The following NOC3L variants were observed in gnomAD, a reference collection of about 807,000 sequenced individuals.
NOC3L encodes NOC3 like DNA replication regulator.
NOC3L carries 85 observed loss-of-function variants against 102.5 expected under a neutral mutation model. The ratio of observed to expected loss-of-function variants is 0.83; its 90% CI spans 0.70 to 0.99. The LOEUF (loss-of-function observed/expected upper bound fraction) is 0.99, where lower values mean the gene tolerates loss of function less well. Among genes scored for constraint, NOC3L ranks in the 50% least tolerant of loss-of-function variants. NOC3L has a pLI of 0.00. For synonymous variants in NOC3L, 303 were observed against 309.4 expected (o/e 0.98, Z 0.22); for missense variants, 878 against 914.9 (o/e 0.96, Z 0.52).
chr10:94,362,921 C>T lies in NOC3L; in HGVS notation c.-83G>A, dbSNP rs1374418039. On this transcript the variant is annotated 5_prime_UTR_variant, in exon 1 of 21. Coordinates refer to ENST00000371361, the MANE Select transcript of NOC3L (RefSeq NM_022451.11). The stretch of plus-strand genomic sequence containing the variant: ...GAAATCCCGGGGAATGACACACGTG[C>T]CGAAGTCCCTACACTACCAGAGCCG... The T allele has an allele frequency of 1.9e-6, 3 of 1,607,208 alleles. No individual in the cohort carries two copies. Among genetic ancestry groups the T allele is most frequent in the Non-Finnish European group, 2.6e-6 (3 of 1,174,220 alleles).
At chr10:94,331,366 A>G (rs1564905815), downstream of NOC3L, 1 of 152,200 alleles carries the variant, frequency 6.6e-6, no homozygotes, top group Non-Finnish European at 1.5e-5. Flanking sequence ...CAATATCTCT[A>G]TAGACTTCTG....
intron 6 of NOC3L, 87 bp from the exon 7 acceptor site, chr10:94,353,144 A>G: frequency 9.2e-7 from 1 of 1,088,740 alleles, no homozygotes; most frequent in East Asian, 2.4e-5. Flanking sequence ...CGGCAAAACA[A>G]GCGGAATTCA....
chr10:94,352,820 TC>T lies in NOC3L; in HGVS notation c.858+75del, dbSNP rs1053377634. ...CTGGGCGACAGAGTAAAACTCTGCCTCAAAAAAAAAAAGTCTATCTCTCCAA... is the reference window on the plus strand; with the variant it reads ...CTGGGCGACAGAGTAAAACTCTGCCTAAAAAAAAAAAGTCTATCTCTCCAA... On this transcript the variant is annotated intron_variant, in intron 7 of 20. Coordinates refer to ENST00000371361, the MANE Select transcript of NOC3L (RefSeq NM_022451.11). 6 of 1,282,982 alleles carry T rather than the reference TC, an allele frequency of 4.7e-6. No homozygotes were observed. In the African/African-American group the frequency reaches 7.6e-5, roughly 16 times the overall value. 79.5% of individuals were successfully genotyped at this position (1,282,982 alleles called of 1,614,324 possible).
At position 94,344,835 on chromosome 10, in the gene NOC3L, G is replaced by A; in HGVS notation, c.1470+18C>T. 1.3e-6 allele frequency: 2 copies of A among 1,554,374 alleles called. No homozygotes were observed. Among genetic ancestry groups the A allele is most frequent in the South Asian group, 2.3e-5 (2 of 85,168 alleles). ...CTTAACGCATTTTAAAAGCATAACA[G>A]AATATGAAACTGCCTACCAGTTTAA... On this transcript the variant is annotated intron_variant, in intron 12 of 20. Transcript: ENST00000371361.
chr10:94,325,084 A>C, the NOC3L span: 3 of 1,613,680 alleles, frequency 1.9e-6, no homozygotes, highest in Non-Finnish European at 2.5e-6. Flanking sequence ...ACAGTGACTA[A>C]GGGCAGCATG....
At chr10:94,318,364 T>C in the NOC3L span, among the ~76,000 whole-genome samples, 1 of 152,224 alleles carries the variant, frequency 6.6e-6, no homozygotes, top group Non-Finnish European at 1.5e-5. Context: ...ATGTAAAAAG[T>C]ATGTATCCTC....
the NOC3L span, among the ~76,000 whole-genome samples, chr10:94,324,138 CA>C: frequency 6.6e-6 from 1 of 152,282 alleles, no homozygotes; most frequent in African/African-American, 2.4e-5. Context: ...ACACCTAATT[CA>C]TAGACTGTTG....
the NOC3L span, among the ~76,000 whole-genome samples, chr10:94,326,726 T>C: frequency 2.0e-5 from 3 of 152,252 alleles, no homozygotes; most frequent in Non-Finnish European, 4.4e-5. Flanking sequence ...GTGATTTAGA[T>C]GATTGCCTTT....
the NOC3L span, among the ~76,000 whole-genome samples, chr10:94,321,369 C>A: frequency 2.0e-5 from 3 of 152,256 alleles, no homozygotes; most frequent in Non-Finnish European, 4.4e-5. Flanking sequence ...CACAGTGGCT[C>A]ACACCTGTAA....
chr10:94,337,802 C>A lies in NOC3L; in HGVS notation c.2164G>T (p.Ala722Ser). Residue 722 changes from alanine (A) to serine (S), a missense_variant, in exon 19 of 21, where the codon GCA becomes TCA. Transcript: ENST00000371361. ...IAGAPSEGSG[A>S]LKPELSRRSA... ...CTTCGACTCAACTCTGGTTTGAGTG[C>A]TCCAGAGCCTTCAGAAGGTGCTCCA... is the stretch of plus-strand genomic sequence containing the variant. 1 of 1,613,642 alleles carries A rather than the reference C, an allele frequency of 6.2e-7. No individual in the cohort carries two copies. Among genetic ancestry groups the A allele is most frequent in the Non-Finnish European group, 8.5e-7 (1 of 1,179,596 alleles).
At chr10:94,360,499 T>G (rs1174719811) in intron 2 of NOC3L, among the ~76,000 whole-genome samples, 1 of 151,990 alleles carries the variant, frequency 6.6e-6, no homozygotes, top group African/African-American at 2.4e-5. Flanking sequence ...TTATTTGTGG[T>G]AGCTAAAAAT....
chr10:94,329,272 A>G (rs2054128395), downstream of NOC3L: 1 of 152,218 alleles, frequency 6.6e-6, no homozygotes, highest in Non-Finnish European at 1.5e-5. Flanking sequence ...TCTTAGTATG[A>G]AGCAAATTAT....
intron 5 of NOC3L, among the ~76,000 whole-genome samples, chr10:94,355,734 T>C (rs1311544563): frequency 6.6e-6 from 1 of 152,074 alleles, no homozygotes; most frequent in Non-Finnish European, 1.5e-5. Flanking sequence ...CCAAAATAAT[T>C]CATATTAATT....
At chr10:94,341,564 A>C (rs1297950534) in intron 14 of NOC3L, 109 bp downstream of exon 14, 8 of 483,564 alleles carry the variant, frequency 1.7e-5, no homozygotes, top group African/African-American at 4.1e-5. Context: ...TAAACTGTAC[A>C]TCTAAAAGGG....
chr10:94,355,697 A>C (rs539978627), intron 5 of NOC3L, among the ~76,000 whole-genome samples: 1 of 152,172 alleles, frequency 6.6e-6, no homozygotes. Flanking sequence ...CCTAGAGCTC[A>C]TATTCTTAGC....
intron 13 of NOC3L, among the ~76,000 whole-genome samples, chr10:94,342,003 A>T (rs2054290707): frequency 6.6e-6 from 1 of 152,236 alleles, no homozygotes; most frequent in Non-Finnish European, 1.5e-5. Flanking sequence ...TTCTGCACTG[A>T]GAAAGAAATT....
At chr10:94,336,366 T>C (rs2054217795) in intron 19 of NOC3L, among the ~76,000 whole-genome samples, 1 of 151,626 alleles carries the variant, frequency 6.6e-6, no homozygotes, top group Non-Finnish European at 1.5e-5. Flanking sequence ...TTTTTTTTTT[T>C]CAGACGGATT....
At chr10:94,325,297 T>A in the NOC3L span, 2 of 542,962 alleles carry the variant, frequency 3.7e-6, no homozygotes, top group East Asian at 6.6e-5. Flanking sequence ...GAACACCGCC[T>A]ATAAAGAAAA....
chr10:94,349,186 T>A, intron 10 of NOC3L, 64 bp downstream of exon 10: 2 of 1,536,478 alleles, frequency 1.3e-6, no homozygotes, highest in Non-Finnish European at 1.7e-6. Context: ...AAATTCCTCA[T>A]AACAACTGAA....
Sources: gnomAD v4.1 joint callset for allele counts (sites outside exome capture counted in the v4.1 genomes callset) on GRCh38, gnomAD v4.1.1 for gene constraint, MANE v1.5 for transcripts, NCBI Gene and HGNC (gene_info 2026-07-23, HGNC 2026-07-21) for gene names.